Variants in CACNA2D4 observed in about 807,000 individuals in gnomAD.
The protein encoded by CACNA2D4 is voltage-dependent calcium channel subunit alpha-2/delta-4.
In CACNA2D4, 157 loss-of-function variants were observed where a neutral mutation model predicts 163.8. The observed-to-expected ratio is 0.96, with a 90% CI of 0.84 to 1.09. The LOEUF is 1.09. Among genes scored for constraint, CACNA2D4 ranks in the 50% least tolerant of loss-of-function variants. The pLI is 0.00. For synonymous variants in CACNA2D4, 598 were observed against 586.9 expected, an observed-to-expected ratio of 1.02 and a Z score of -0.27; for missense variants, 1,410 against 1,479.9, an observed-to-expected ratio of 0.95 and a Z score of 0.78.
Position 1,810,545 on chromosome 12 carries a change from T to G in CACNA2D4, c.2656A>C (p.Ser886Arg), listed in dbSNP as rs1863672314. 1.9e-6 allele frequency: 3 copies of G among 1,553,388 alleles called. No homozygotes were observed. The highest frequency in any genetic ancestry group is 2.6e-6 in the Non-Finnish European group (3 of 1,147,956). ...DGPCTQSCED[S>R]DLDCFVIDNN... ...TTCCTCACACGGGCAGAACTTACACTGTCCTCGCAGCTCTGTGTGCACGGC... is the reference window on the plus strand; with the variant it reads ...TTCCTCACACGGGCAGAACTTACACGGTCCTCGCAGCTCTGTGTGCACGGC... The change falls in exon 28 of 38, where the codon AGT (serine) becomes CGT (arginine). Residue 886 changes from serine to arginine, a missense_variant and splice_region_variant. Physicochemically the swap from Ser to Arg is moderately radical, Grantham distance 110. Coordinates refer to ENST00000382722, the MANE Select transcript of CACNA2D4 (RefSeq NM_172364.5).
rs1195372882 is a variant in CACNA2D4, at chr12:1,878,397, A to G, written c.1645-8T>C. The G allele has an allele frequency of 6.3e-7, 1 of 1,595,986 alleles. No individual in the cohort carries two copies. The highest frequency in any genetic ancestry group is 1.3e-5 in the African/African-American group (1 of 74,650). ...GTATCCGTGCACTCCAAGCTGCCAG[A>G]GTCCAGGGTGGAGGCGCATTAGGCC... On this transcript the variant is annotated splice_polypyrimidine_tract_variant and splice_region_variant and intron_variant, in intron 15 of 37. Coordinates refer to ENST00000382722, the MANE Select transcript of CACNA2D4 (RefSeq NM_172364.5). The surrounding 1 kb of genome is among the most constrained non-coding windows in gnomAD (Gnocchi z 4.6).
Position 1,909,937 on chromosome 12 carries a change from T to G in CACNA2D4, c.455A>C (p.Asp152Ala), listed in dbSNP as rs1295958513. The G allele has an allele frequency of 6.2e-7, 1 of 1,613,648 alleles. No homozygotes were observed. The highest frequency in any genetic ancestry group is 1.3e-5 in the African/African-American group (1 of 74,902). The change falls in exon 4 of 38, where the codon GAC (aspartate) becomes GCC (alanine). Residue 152 changes from aspartate to alanine, a missense_variant. By Grantham distance (126) the Asp-to-Ala change is moderately radical. Transcript: ENST00000382722. ...QNLVEAAEEADLNHEFNESLV... is the reference protein window; with the variant it reads ...QNLVEAAEEAALNHEFNESLV... ...GGATTCATTGAATTCGTGGTTCAGG[T>G]CGGCCTCCTCGGCAGCTTCCACCAG...
At position 1,875,192 on chromosome 12, in the gene CACNA2D4, C is replaced by T; in HGVS notation, c.1806+59G>A. On this transcript the variant is annotated intron_variant, in intron 17 of 37. Coordinates refer to ENST00000382722, the MANE Select transcript of CACNA2D4 (RefSeq NM_172364.5). This position sits in a 1 kb window ranked among gnomAD's most constrained non-coding sequence, Gnocchi z 4.0. ...TCAAAGCTCACAGCCACACAGCTGA[C>T]CCATTTAGTTGGATGTAGAGCCTAA... 2.5e-6 allele frequency: 3 copies of T among 1,181,808 alleles called. No individual in the cohort carries two copies. The highest frequency in any genetic ancestry group is 3.8e-6 in the Non-Finnish European group (3 of 786,940). 73.2% of individuals were successfully genotyped at this position (1,181,808 alleles called of 1,614,324 possible).
chr12:1,909,468 A>T (rs1247755877), intron 4 of CACNA2D4, among the ~76,000 whole-genome samples: 1 of 152,204 alleles, frequency 6.6e-6, no homozygotes. Context: ...TGCTGGGATT[A>T]CAGGCGTGAG....
intron 6 of CACNA2D4, among the ~76,000 whole-genome samples, chr12:1,893,300 G>A (rs529341787): frequency 9.3e-4 from 142 of 152,132 alleles, no homozygotes; most frequent in African/African-American, 3.2e-3. Context: ...GGTGGATCAC[G>A]AGGTCAGGAG....
At chr12:1,841,223 C>T (rs1302558307) in intron 25 of CACNA2D4, among the ~76,000 whole-genome samples, 2 of 152,326 alleles carry the variant, frequency 1.3e-5, no homozygotes, top group South Asian at 2.1e-4. Context: ...TGTGAGTCTG[C>T]GTGAGTCAGG....
chr12:1,800,336 G>A (rs1319056436), intron 32 of CACNA2D4, 50 bp downstream of exon 32: 1 of 1,594,872 alleles, frequency 6.3e-7, no homozygotes, highest in East Asian at 2.2e-5. Context: ...ACCCTCCTAA[G>A]CCACCCTCGC....
chr12:1,905,230 T>C (rs944837871), intron 6 of CACNA2D4, among the ~76,000 whole-genome samples: 3 of 152,100 alleles, frequency 2.0e-5, no homozygotes, highest in African/African-American at 7.2e-5. Context: ...AAATCATATA[T>C]GGAAAATCAC....
chr12:1,861,446 C>T (rs1210907402), intron 18 of CACNA2D4, among the ~76,000 whole-genome samples: 5 of 139,042 alleles, frequency 3.6e-5, no homozygotes, highest in African/African-American at 1.5e-4. Flanking sequence ...TATTTTTACT[C>T]TTTTTTTTTT....
chr12:1,800,986 G>T, intron 31 of CACNA2D4, 57 bp downstream of exon 31: 1 of 1,523,714 alleles, frequency 6.6e-7, no homozygotes, highest in Non-Finnish European at 9.1e-7. Flanking sequence ...CTCATTCCAG[G>T]ACAGGGCAGA....
intron 23 of CACNA2D4, among the ~76,000 whole-genome samples, chr12:1,847,054 G>A (rs549269353): frequency 2.0e-3 from 300 of 152,316 alleles, no homozygotes; most frequent in Middle Eastern, 3.4e-3. Context: ...AACTTCTCAT[G>A]CCCAGCACGT....
At chr12:1,825,396 G>A (rs1392899653) in intron 26 of CACNA2D4, among the ~76,000 whole-genome samples, 9 of 152,222 alleles carry the variant, frequency 5.9e-5, no homozygotes, top group Admixed American at 2.6e-4. Flanking sequence ...TGGGGAATCC[G>A]GCCTCAACAT....
Position 1,875,411 on chromosome 12 carries a change from C to G in CACNA2D4, c.1720-74G>C. Reference sequence around the variant, plus strand: ...GCTCAAGTTTATCTCTTCTACAAAGCCTTTCAGGTATATTCATAAAAGCAA... The same window carrying G: ...GCTCAAGTTTATCTCTTCTACAAAGGCTTTCAGGTATATTCATAAAAGCAA... On this transcript the variant is annotated intron_variant, in intron 16 of 37. Transcript: ENST00000382722. The surrounding 1 kb of genome is among the most constrained non-coding windows in gnomAD (Gnocchi z 4.0). 1.1e-6 allele frequency: 1 copy of G among 943,452 alleles called. No individual in the cohort carries two copies. Among genetic ancestry groups the G allele is most frequent in the Non-Finnish European group, 1.7e-6 (1 of 572,840 alleles). 58.4% of individuals were successfully genotyped at this position (943,452 alleles called of 1,614,324 possible).
At chr12:1,912,882 G>A (rs939774126) in intron 3 of CACNA2D4, 141 bp downstream of exon 3, 74 of 599,210 alleles carry the variant, frequency 1.2e-4, no homozygotes, top group African/African-American at 1.1e-3. Context: ...TTTGGCTAAC[G>A]AAGGTACAAG....
rs368298362 is a variant in CACNA2D4 at position 1,866,618 on chromosome 12, C to CT, written c.1879-6413dup. 2.0e-3 allele frequency among the ~76,000 whole-genome samples: 301 copies of CT among 150,326 alleles called. 2 individuals are homozygous for CT. Among genetic ancestry groups the CT allele is most frequent in the African/African-American group, 6.5e-3 (267 of 41,166 alleles). ...TCTGTTTCCTTCTATCTGAAAATGT[C>CT]TTTTTTTGTTGTTTGTTTTGGAGAC... On this transcript the variant is annotated intron_variant, in intron 18 of 37. Transcript: ENST00000382722.
intron 2 of CACNA2D4, among the ~76,000 whole-genome samples, chr12:1,913,946 C>T (rs1016258409): frequency 6.6e-6 from 1 of 152,248 alleles, no homozygotes; most frequent in Non-Finnish European, 1.5e-5. Flanking sequence ...CTGCTCTATG[C>T]TCCTCTCCCC....
chr12:1,813,338 C>T (rs752870030), intron 26 of CACNA2D4, among the ~76,000 whole-genome samples: 1 of 152,000 alleles, frequency 6.6e-6, no homozygotes, highest in Non-Finnish European at 1.5e-5. Flanking sequence ...CAGGGGTTGC[C>T]GATGCTGCTA....
At chr12:1,863,739 G>A (rs749847099) in intron 18 of CACNA2D4, among the ~76,000 whole-genome samples, 2 of 151,894 alleles carry the variant, frequency 1.3e-5, no homozygotes, top group Non-Finnish European at 2.9e-5. Context: ...GACACTTTTC[G>A]TTAGCATTGT....
chr12:1,888,533 G>T (rs973269838), intron 6 of CACNA2D4, among the ~76,000 whole-genome samples: 6 of 152,142 alleles, frequency 3.9e-5, no homozygotes, highest in African/African-American at 9.7e-5. Context: ...CACAAACTAG[G>T]TAGGTATGAG....
Sources: allele counts gnomAD v4.1 joint callset (sites outside exome capture counted in the v4.1 genomes callset), GRCh38; gene constraint gnomAD v4.1.1; non-coding constraint Gnocchi (gnomAD v3.1); transcripts MANE v1.5; gene names NCBI Gene and HGNC (gene_info 2026-07-23, HGNC 2026-07-21).